The following PTPN14 variants were observed in gnomAD, a reference collection of about 807,000 sequenced individuals.
PTPN14 encodes the protein tyrosine-protein phosphatase non-receptor type 14.
PTPN14 carries 53 observed loss-of-function variants against 126.8 expected under a neutral mutation model. The observed-to-expected ratio is 0.42, with a 90% CI of 0.34 to 0.53. The LOEUF is 0.53. PTPN14 is among the 20% of genes least tolerant of loss of function. The pLI, the probability that PTPN14 is intolerant of heterozygous loss-of-function variation, is 0.08. For synonymous variants in PTPN14, 630 were observed against 599.3 expected (o/e 1.05, Z -0.75); for missense variants, 1,257 against 1,552.9 (o/e 0.81, Z 3.20).
intron 16 of PTPN14, among the ~76,000 whole-genome samples, chr1:214,371,251 T>C (rs1558072801): frequency 6.6e-6 from 1 of 152,146 alleles, no homozygotes; most frequent in Non-Finnish European, 1.5e-5. Flanking sequence ...CTTAACCCTT[T>C]TTCCATTTTT....
At chr1:214,500,718 G>A (rs1435267850) in intron 1 of PTPN14, among the ~76,000 whole-genome samples, 1 of 151,926 alleles carries the variant, frequency 6.6e-6, no homozygotes, top group African/African-American at 2.4e-5. Flanking sequence ...GGGATAATCT[G>A]TTACATCCTA....
intron 3 of PTPN14, among the ~76,000 whole-genome samples, chr1:214,431,691 C>G (rs1375529038): frequency 3.3e-5 from 5 of 152,202 alleles, no homozygotes; most frequent in African/African-American, 9.7e-5. Context: ...TGGATCACAG[C>G]TCTGTCATGT....
intron 1 of PTPN14, among the ~76,000 whole-genome samples, chr1:214,496,355 C>G (rs980805288): frequency 6.6e-6 from 1 of 152,034 alleles, no homozygotes; most frequent in Non-Finnish European, 1.5e-5. Flanking sequence ...TAGGCTTAGC[C>G]CAGCTCTGTC....
intron 18 of PTPN14, among the ~76,000 whole-genome samples, chr1:214,358,617 CTAGT>C (rs1220059402): frequency 6.6e-6 from 1 of 152,138 alleles, no homozygotes; most frequent in Non-Finnish European, 1.5e-5. Flanking sequence ...TGGCCTTGCC[CTAGT>C]TAGTTACATT....
Position 214,355,395 on chromosome 1 carries a change from A to G in PTPN14, c.*2527T>C, listed in dbSNP as rs1657794760. On this transcript the variant is annotated 3_prime_UTR_variant, in exon 19 of 19. Coordinates refer to ENST00000366956, the MANE Select transcript of PTPN14 (RefSeq NM_005401.5). ...ACGCAATAAACCAGTAACTGAGACC[A>G]CTTGCTAAAACATCCCTAACAGCAG... 1.3e-5 allele frequency: 2 copies of G among 152,232 alleles called. No homozygotes were observed. Among genetic ancestry groups the G allele is most frequent in the African/African-American group, 2.4e-5 (1 of 41,468 alleles). 9.4% of individuals were successfully genotyped at this position (152,232 alleles called of 1,614,324 possible). A position where few individuals can be genotyped will look rare whatever the true frequency, so the allele number is the denominator to read the frequency against.
At chr1:214,448,598 G>A (rs917210846) in intron 3 of PTPN14, among the ~76,000 whole-genome samples, 3 of 152,020 alleles carry the variant, frequency 2.0e-5, no homozygotes, top group African/African-American at 7.2e-5. Flanking sequence ...CTCAGCTCTA[G>A]ACATTACAAC....
intron 17 of PTPN14, among the ~76,000 whole-genome samples, chr1:214,365,658 C>T (rs1453587403): frequency 6.6e-6 from 1 of 152,100 alleles, no homozygotes; most frequent in Non-Finnish European, 1.5e-5. Flanking sequence ...CAAATAATTT[C>T]AAAGCACCTG....
At chr1:214,514,592 G>A (rs922400726) in intron 1 of PTPN14, among the ~76,000 whole-genome samples, 1 of 151,950 alleles carries the variant, frequency 6.6e-6, no homozygotes, top group Non-Finnish European at 1.5e-5. Context: ...GTCCCCCCTC[G>A]ATGGTGCTGG....
In PTPN14 at chr1:214,545,349, AG is replaced by A. The variant is rs201154031; in HGVS notation, c.-155+5833del. 7.2e-3 allele frequency among the ~76,000 whole-genome samples: 1,094 copies of A among 152,232 alleles called. 8 individuals carry two copies. The highest frequency in any genetic ancestry group is 0.025 in the African/African-American group (1,057 of 41,536). On this transcript the variant is annotated intron_variant, in intron 1 of 18. Transcript: ENST00000366956. Reference sequence around the variant, plus strand: ...TGGCCAGGGTCATCCTATGGTGCAAAGGTGGAAGGTAGAGGCAAGCACAGAA... The same window carrying A: ...TGGCCAGGGTCATCCTATGGTGCAAAGTGGAAGGTAGAGGCAAGCACAGAA...
At chr1:214,464,377 C>A (rs1660579742) in intron 2 of PTPN14, among the ~76,000 whole-genome samples, 1 of 152,118 alleles carries the variant, frequency 6.6e-6, no homozygotes, top group African/African-American at 2.4e-5. Flanking sequence ...CCCCCAAAAC[C>A]TCTTCCCCAG....
rs185967845 is a variant in PTPN14, at chr1:214,452,249, G to A, written c.175-275C>T. ...GCCCATGTGAGGTAAGGGGAGTCGC[G>A]CAGGGAAGGGATAGTGCTGACTTTT... On this transcript the variant is annotated intron_variant, in intron 2 of 18. Coordinates refer to ENST00000366956, the MANE Select transcript of PTPN14 (RefSeq NM_005401.5). Among the ~76,000 whole-genome samples, 691 of 152,298 alleles carry A rather than the reference G, an allele frequency of 4.5e-3. 6 individuals are homozygous for A. The highest frequency in any genetic ancestry group is 0.02 in the Middle Eastern group (6 of 294).
intron 3 of PTPN14, among the ~76,000 whole-genome samples, chr1:214,433,116 G>A (rs977394186): frequency 6.6e-6 from 1 of 151,982 alleles, no homozygotes; most frequent in African/African-American, 2.4e-5. Flanking sequence ...TGTTTGCCAG[G>A]ATGGTCTTCA....
At chr1:214,428,742 C>T (rs2102604113) in intron 3 of PTPN14, among the ~76,000 whole-genome samples, 1 of 152,278 alleles carries the variant, frequency 6.6e-6, no homozygotes, top group East Asian at 1.9e-4. Context: ...TGCTCTCACC[C>T]AGGGTTTGGC....
chr1:214,500,195 A>G (rs1391092283), intron 1 of PTPN14, among the ~76,000 whole-genome samples: 2 of 152,100 alleles, frequency 1.3e-5, no homozygotes, highest in African/African-American at 4.8e-5. Flanking sequence ...AATATGTAAG[A>G]CATACCCACA....
At chr1:214,455,105 C>T (rs1341943327) in intron 2 of PTPN14, among the ~76,000 whole-genome samples, 7 of 152,122 alleles carry the variant, frequency 4.6e-5, no homozygotes, top group East Asian at 3.9e-4. Flanking sequence ...TATTCTCCCA[C>T]GTCTACACAG....
intron 5 of PTPN14, among the ~76,000 whole-genome samples, chr1:214,406,965 GAC>G (rs1196206088): frequency 2.6e-5 from 4 of 152,072 alleles, no homozygotes; most frequent in Non-Finnish European, 4.4e-5. Context: ...TACCCCATTT[GAC>G]ACAAACATGT....
chr1:214,482,347 T>C (rs1661009256), intron 1 of PTPN14, among the ~76,000 whole-genome samples: 1 of 45,500 alleles, frequency 2.2e-5, no homozygotes, highest in East Asian at 5.3e-4. Context: ...TTATTTAAAC[T>C]AAGAGAAAAA....
intron 1 of PTPN14, chr1:214,531,657 T>C (rs544014575): frequency 6.6e-6 from 1 of 152,364 alleles, no homozygotes; most frequent in East Asian, 1.9e-4. Context: ...AATGAGGAAC[T>C]ATAACCCAGG....
chr1:214,505,382 A>G (rs753510852), intron 1 of PTPN14, among the ~76,000 whole-genome samples: 1 of 152,200 alleles, frequency 6.6e-6, no homozygotes, highest in Admixed American at 6.5e-5. Context: ...TCAATGTCCA[A>G]TTCCAAAGGG....
Sources: allele counts gnomAD v4.1 joint callset (sites outside exome capture counted in the v4.1 genomes callset), GRCh38; gene constraint gnomAD v4.1.1; transcripts MANE v1.5; gene names NCBI Gene and HGNC (gene_info 2026-07-23, HGNC 2026-07-21).